Variants in COL17A1 observed in about 807,000 individuals in gnomAD.
COL17A1 encodes the protein collagen alpha-1(XVII) chain.
In COL17A1, 181 loss-of-function variants were observed where a neutral mutation model predicts 218.4. That is an observed-to-expected ratio of 0.83 (90% CI 0.73 to 0.94). The LOEUF (loss-of-function observed/expected upper bound fraction) is 0.94. COL17A1 is among the 40% of genes least tolerant of loss of function. The pLI, the probability that COL17A1 is intolerant of heterozygous loss-of-function variation, is 0.00. For missense variants in COL17A1, 1,924 were observed against 1,945.9 expected, an observed-to-expected ratio of 0.99 and a Z score of 0.21; for synonymous variants, 721 against 731.0, an observed-to-expected ratio of 0.99 and a Z score of 0.22.
rs2476958 is a variant in COL17A1, at chr10:104,037,061, A to G, written c.3261T>C (p.Ile1087=). 1 allele frequency: 1,603,201 copies of G among 1,606,934 alleles called. 799,808 individuals are homozygous for G. Among genetic ancestry groups the G allele is most frequent in the East Asian group, 1 (44,784 of 44,784 alleles). ...LFSSSISSED[I]LAVLQRDDVR... ...GTGACTCACGCTGCAGCACAGCCAGAATGTCTTCAGAAGAGATGGAGGACG... is the reference window on the plus strand; with the variant it reads ...GTGACTCACGCTGCAGCACAGCCAGGATGTCTTCAGAAGAGATGGAGGACG... Residue 1087 remains isoleucine (I), a synonymous_variant, in exon 47 of 56, where the codon ATT becomes ATC. Transcript: ENST00000648076.
chr10:104,075,128 G>A (rs1006735417), intron 5 of COL17A1, among the ~76,000 whole-genome samples: 1 of 151,720 alleles, frequency 6.6e-6, no homozygotes, highest in Non-Finnish European at 1.5e-5. Flanking sequence ...ACCTTCCTTT[G>A]CTTCCTTCAA....
At chr10:104,050,963 T>A (rs2086463850) in intron 25 of COL17A1, 62 bp from the exon 26 acceptor site, 3 of 1,612,454 alleles carry the variant, frequency 1.9e-6, no homozygotes. Flanking sequence ...TGATGAGACA[T>A]GTATGCACAC....
chr10:104,042,381 T>A, intron 36 of COL17A1, 39 bp downstream of exon 36: 1 of 1,612,232 alleles, frequency 6.2e-7, no homozygotes, highest in Non-Finnish European at 8.5e-7. Context: ...TCCTCCCGAC[T>A]GGGCCCATCG....
At chr10:104,036,732 G>T (rs1177937597) in intron 47 of COL17A1, 100 bp from the exon 48 acceptor site, 2 of 1,439,534 alleles carry the variant, frequency 1.4e-6, no homozygotes, top group Non-Finnish European at 1.9e-6. Flanking sequence ...ACTGGCTCCT[G>T]CGTGACATTT....
intron 50 of COL17A1, 122 bp from the exon 51 acceptor site, chr10:104,034,889 G>C (rs531484126): frequency 2.4e-4 from 293 of 1,204,424 alleles, no homozygotes; most frequent in Non-Finnish European, 3.2e-4. Context: ...GGCCTCCCGG[G>C]TGATGGGAGG....
At chr10:104,077,813 A>C (rs991607592) in intron 3 of COL17A1, among the ~76,000 whole-genome samples, 2 of 152,236 alleles carry the variant, frequency 1.3e-5, no homozygotes, top group East Asian at 3.8e-4. Flanking sequence ...CAAGTTGCAT[A>C]TTAGGAAATT....
rs780577236 is a variant in COL17A1, at chr10:104,034,704, G to T, written c.3683C>A (p.Pro1228His). The change falls in exon 51 of 56, where the codon CCC (proline) becomes CAC (histidine). Residue 1228 changes from proline (P) to histidine (H), a missense_variant. Pro to His is a moderately conservative substitution (Grantham distance 77, BLOSUM62 -2). Coordinates refer to ENST00000648076, the MANE Select transcript of COL17A1 (RefSeq NM_000494.4). Reference sequence around the variant, plus strand: ...TGCCAGGGCTCCTGAGACACCCGGGGGCCCTCGAGGCCCTGGGGGACCAGG... The same window carrying T: ...TGCCAGGGCTCCTGAGACACCCGGGTGCCCTCGAGGCCCTGGGGGACCAGG... ...GPPGPPGPRG[P>H]PGVSGALATY... 2.9e-5 allele frequency: 46 copies of T among 1,610,662 alleles called. No individual in the cohort carries two copies. Among genetic ancestry groups the T allele is most frequent in the Non-Finnish European group, 3.3e-5 (39 of 1,178,988 alleles).
At chr10:104,039,295 T>C in intron 43 of COL17A1, 150 bp downstream of exon 43, 2 of 1,053,018 alleles carry the variant, frequency 1.9e-6, no homozygotes, top group Non-Finnish European at 2.9e-6. Context: ...TCCTTGTCCC[T>C]TCCACCCTCT....
rs1451894588 is a variant in COL17A1, at chr10:104,043,515, G to T, written c.2501C>A (p.Pro834His). 1 of 1,610,860 alleles carries T rather than the reference G, an allele frequency of 6.2e-7. No individual in the cohort carries two copies. Among genetic ancestry groups the T allele is most frequent in the East Asian group, 2.2e-5 (1 of 44,864 alleles). Residue 834 changes from proline (P) to histidine (H), a missense_variant, in exon 35 of 56, where the codon CCT becomes CAT. Physicochemically the swap from Pro to His is moderately conservative, Grantham distance 77. Transcript: ENST00000648076. ...AATAGACTGACCTGGGGCACCTGGA[G>T]GTCCTGGGGGTCCCATGGCTCCAGG... Reference protein sequence around the residue: ...GPPGAMGPPGPPGAPGPAGPA... With the variant: ...GPPGAMGPPGHPGAPGPAGPA...
intron 29 of COL17A1, among the ~76,000 whole-genome samples, chr10:104,049,171 G>T (rs752090378): frequency 2.0e-5 from 3 of 152,148 alleles, no homozygotes; most frequent in Non-Finnish European, 4.4e-5. Context: ...GCTCTTAGGT[G>T]AATGGACCAT....
intron 1 of COL17A1, 110 bp downstream of exon 1, chr10:104,085,606 GCTAGAAA>G (rs1375653013): frequency 6.6e-6 from 1 of 152,404 alleles, no homozygotes; most frequent in Admixed American, 6.5e-5. Context: ...TAACCAGAAT[GCTAGAAA>G]CTACAGAACT....
intron 16 of COL17A1, 79 bp downstream of exon 16, chr10:104,058,067 G>A (rs765610366): frequency 1.2e-5 from 19 of 1,585,448 alleles, no homozygotes; most frequent in South Asian, 3.4e-5. Flanking sequence ...GCTTCCAGGC[G>A]AGGGACCATC....
chr10:104,062,429 G>A (rs1264190392), intron 11 of COL17A1, 100 bp from the exon 12 acceptor site: 6 of 1,528,086 alleles, frequency 3.9e-6, no homozygotes, highest in South Asian at 3.4e-5. Context: ...ATGATCAATG[G>A]TTTTGCCAAC....
chr10:104,050,530 T>G, intron 27 of COL17A1, 91 bp downstream of exon 27: 1 of 1,601,926 alleles, frequency 6.2e-7, no homozygotes, highest in Non-Finnish European at 8.5e-7. Context: ...CCAGGTCCTG[T>G]GCACCCTCAG....
rs370022961 is a variant in COL17A1 at position 104,040,037 on chromosome 10, A to G, written c.2762-38T>C. On this transcript the variant is annotated intron_variant, in intron 40 of 55. Transcript: ENST00000648076. The stretch of plus-strand genomic sequence containing the variant: ...GGCAGAGAGCTATGAGACAGGTACC[A>G]ACCAGGTGTTGTGGTTTCAATGGGC... 8.5e-5 allele frequency: 137 copies of G among 1,613,038 alleles called. 1 individual carries two copies. The African/African-American group carries it at 1.7e-3, about 20-fold the overall frequency.
In COL17A1 at chr10:104,057,038, G is replaced by A; in HGVS notation, c.1402C>T (p.Leu468=). The A allele has an allele frequency of 1.2e-6, 2 of 1,603,764 alleles. No individual in the cohort carries two copies. Among genetic ancestry groups the A allele is most frequent in the South Asian group, 1.1e-5 (1 of 90,452 alleles). Reference sequence around the variant, plus strand: ...AGCCAGGTGAGCAGCAGGCCCAGCAGCCACTTCCACCAGCTGCAGCAGGAG... The same window carrying A: ...AGCCAGGTGAGCAGCAGGCCCAGCAACCACTTCCACCAGCTGCAGCAGGAG... The part of the protein sequence containing the change: ...CGSCCSWWKW[L]LGLLLTWLLL... Residue 468 remains leucine, a synonymous_variant, in exon 17 of 56, where the codon CTG becomes TTG. Coordinates refer to ENST00000648076, the MANE Select transcript of COL17A1 (RefSeq NM_000494.4).
rs1225257204 is a variant in COL17A1 at position 104,037,890 on chromosome 10, G to T, written c.3071-117C>A. ...GCCCCGCCCCACACATGGGCCCAAGGCTGGGCCAGGAGGGAGCCTAGACTT... is the reference window on the plus strand; with the variant it reads ...GCCCCGCCCCACACATGGGCCCAAGTCTGGGCCAGGAGGGAGCCTAGACTT... On this transcript the variant is annotated intron_variant, in intron 45 of 55. Transcript: ENST00000648076. 16 of 1,325,102 alleles carry T rather than the reference G, an allele frequency of 1.2e-5. No homozygotes were observed. In the South Asian group the frequency reaches 1.5e-4, roughly 13 times the overall value. 82.1% of individuals were successfully genotyped at this position (1,325,102 alleles called of 1,614,324 possible). A position where few individuals can be genotyped will look rare whatever the true frequency, so the allele number is the denominator to read the frequency against.
At chr10:104,050,683 T>C in intron 26 of COL17A1, 27 bp from the exon 27 acceptor site, 1 of 1,614,086 alleles carries the variant, frequency 6.2e-7, no homozygotes, top group Non-Finnish European at 8.5e-7. Flanking sequence ...CACCTTGGTG[T>C]AAAATGCCCT....
At chr10:104,065,607 T>A (rs897367787) in intron 9 of COL17A1, among the ~76,000 whole-genome samples, 1 of 152,234 alleles carries the variant, frequency 6.6e-6, no homozygotes, top group Non-Finnish European at 1.5e-5. Context: ...ACTGAATGAA[T>A]ACACGAAAAC....
Sources: gnomAD v4.1 joint callset for allele counts (sites outside exome capture counted in the v4.1 genomes callset) on GRCh38, gnomAD v4.1.1 for gene constraint, MANE v1.5 for transcripts, NCBI Gene and HGNC (gene_info 2026-07-23, HGNC 2026-07-21) for gene names.